TSPAN9: variants seen among roughly 807,000 people sequenced by gnomAD.
TSPAN9 encodes tetraspanin 9.
In TSPAN9, 16 loss-of-function variants were observed where a neutral mutation model predicts 31.0. The ratio of observed to expected loss-of-function variants is 0.52; its 90% CI spans 0.35 to 0.78. TSPAN9 has a LOEUF of 0.78. Among genes scored for constraint, TSPAN9 ranks in the 30% least tolerant of loss-of-function variants. The probability of loss-of-function intolerance (pLI) is 0.01; values close to 1 mark genes in which losing one functional copy is unlikely to be tolerated. For synonymous variants in TSPAN9, 145 were observed against 121.6 expected (o/e 1.19, Z -1.27); for missense variants, 272 against 312.5 (o/e 0.87, Z 0.98).
intron 3 of TSPAN9, among the ~76,000 whole-genome samples, chr12:3,242,449 A>C (rs1276361091): frequency 6.6e-6 from 1 of 152,210 alleles, no homozygotes; most frequent in Non-Finnish European, 1.5e-5. Context: ...GATGAAGAGC[A>C]ATAGCCTGGA....
intron 3 of TSPAN9, among the ~76,000 whole-genome samples, chr12:3,203,607 C>T (rs1169842989): frequency 1.3e-5 from 2 of 152,202 alleles, no homozygotes; most frequent in East Asian, 1.9e-4. Context: ...GTTGTTCTCT[C>T]CTGGATTCTG....
At chr12:3,211,815 C>A in intron 3 of TSPAN9, 2 of 1,594,350 alleles carry the variant, frequency 1.3e-6, no homozygotes, top group Admixed American at 1.7e-5. Flanking sequence ...GGGCATTTCA[C>A]ATCCATGAAG....
At chr12:3,263,953 A>G (rs1306702049) in intron 3 of TSPAN9, among the ~76,000 whole-genome samples, 1 of 152,160 alleles carries the variant, frequency 6.6e-6, no homozygotes, top group Non-Finnish European at 1.5e-5. Context: ...TGGAAGGTGC[A>G]TTTTGTGAAC....
At chr12:3,199,582 G>A (rs1459122185) in intron 2 of TSPAN9, among the ~76,000 whole-genome samples, 1 of 152,210 alleles carries the variant, frequency 6.6e-6, no homozygotes, top group Non-Finnish European at 1.5e-5. Context: ...CAGGCGGGGT[G>A]AGGAAAGGCA....
chr12:3,186,101 G>A (rs1174668482), intron 2 of TSPAN9, among the ~76,000 whole-genome samples: 2 of 152,172 alleles, frequency 1.3e-5, no homozygotes, highest in East Asian at 3.9e-4. Flanking sequence ...GGGCAAGAAC[G>A]CAGGTATCCT....
chr12:3,166,989 G>A (rs550367208), intron 2 of TSPAN9, among the ~76,000 whole-genome samples: 2 of 152,066 alleles, frequency 1.3e-5, no homozygotes, highest in South Asian at 2.1e-4. Flanking sequence ...TAGAGACGGG[G>A]TTTCACCATG....
chr12:3,133,948 C>A (rs373005429), intron 2 of TSPAN9, among the ~76,000 whole-genome samples: 8 of 152,274 alleles, frequency 5.3e-5, no homozygotes, highest in South Asian at 2.1e-4. Context: ...ATTGAACCCC[C>A]CTGGGTCTCA....
intron 3 of TSPAN9, chr12:3,206,216 G>A (rs550654138): frequency 2.6e-4 from 113 of 429,666 alleles, no homozygotes; most frequent in African/African-American, 1.8e-3. Context: ...CAGGGTGCTG[G>A]GGTCCCAGTT....
At position 3,283,074 on chromosome 12, in the gene TSPAN9, C is replaced by G. The variant is rs776480467; in HGVS notation, c.678C>G (p.Leu226=). The change falls in exon 9 of 9, where the codon CTC becomes CTG. Residue 226 remains leucine, a synonymous_variant. Transcript: ENST00000011898. ...QILGMAFSMT[L]FQHIHRTGKK... ...TGGGCATGGCCTTCTCCATGACCCT[C>G]TTCCAGCACATCCACCGGACTGGTA... The G allele has an allele frequency of 6.2e-7, 1 of 1,609,666 alleles. No individual in the cohort carries two copies. The highest frequency in any genetic ancestry group is 2.2e-5 in the East Asian group (1 of 44,868).
intron 2 of TSPAN9, among the ~76,000 whole-genome samples, chr12:3,175,289 A>G (rs1451869351): frequency 1.3e-5 from 2 of 152,174 alleles, no homozygotes; most frequent in African/African-American, 2.4e-5. Flanking sequence ...CCTTGAGGAC[A>G]TCAGGGTGTC....
At chr12:3,230,917 AT>A (rs2098390406) in intron 3 of TSPAN9, among the ~76,000 whole-genome samples, 1 of 151,954 alleles carries the variant, frequency 6.6e-6, no homozygotes, top group Non-Finnish European at 1.5e-5. Flanking sequence ...ATTCAGTAGG[AT>A]CTCAGTGCGT....
chr12:3,213,877 C>T (rs926232857), intron 3 of TSPAN9, among the ~76,000 whole-genome samples: 3 of 152,190 alleles, frequency 2.0e-5, no homozygotes, highest in East Asian at 1.9e-4. Context: ...AAACAGCCTG[C>T]GGGATCCTGG....
At chr12:3,227,496 C>T (rs1009851188) in intron 3 of TSPAN9, among the ~76,000 whole-genome samples, 4 of 152,132 alleles carry the variant, frequency 2.6e-5, no homozygotes, top group Non-Finnish European at 4.4e-5. Flanking sequence ...GGAGACTCCC[C>T]GTGGAGGGTG....
chr12:3,220,209 G>A (rs1212637057), intron 3 of TSPAN9, among the ~76,000 whole-genome samples: 1 of 151,782 alleles, frequency 6.6e-6, no homozygotes, highest in Non-Finnish European at 1.5e-5. Flanking sequence ...GTAGTTACCT[G>A]TAACAGCTAC....
intron 3 of TSPAN9, among the ~76,000 whole-genome samples, chr12:3,257,553 C>A (rs1371772401): frequency 6.6e-6 from 1 of 151,970 alleles, no homozygotes; most frequent in Non-Finnish European, 1.5e-5. Flanking sequence ...ACTCAACTGA[C>A]TGAAACCTGC....
intron 3 of TSPAN9, among the ~76,000 whole-genome samples, chr12:3,257,723 G>T (rs986624256): frequency 5.1e-5 from 7 of 137,098 alleles, no homozygotes; most frequent in African/African-American, 1.8e-4. Flanking sequence ...CTACTGTGAT[G>T]GTTTCTTTCT....
At chr12:3,281,873 G>A (rs1391953490) in intron 8 of TSPAN9, 56 bp downstream of exon 8, 1 of 1,579,606 alleles carries the variant, frequency 6.3e-7, no homozygotes, top group Admixed American at 1.7e-5. Context: ...GCCTCAGAGG[G>A]AAGGAAGCAC....
chr12:3,089,414 A>T (rs551502843), intron 2 of TSPAN9, among the ~76,000 whole-genome samples: 1 of 147,768 alleles, frequency 6.8e-6, no homozygotes, highest in Admixed American at 6.8e-5. Flanking sequence ...CTCCTGCCTC[A>T]GCCTCCCGAG....
At chr12:3,089,982 C>T (rs112792588) in intron 2 of TSPAN9, among the ~76,000 whole-genome samples, 4 of 152,104 alleles carry the variant, frequency 2.6e-5, no homozygotes, top group African/African-American at 9.6e-5. Context: ...TTATAATATC[C>T]AAACATTACA....
Sources: allele counts gnomAD v4.1 joint callset (sites outside exome capture counted in the v4.1 genomes callset), GRCh38; gene constraint gnomAD v4.1.1; transcripts MANE v1.5; gene names NCBI Gene and HGNC (gene_info 2026-07-23, HGNC 2026-07-21).